The following KALRN variants were observed in gnomAD, a reference collection of about 807,000 sequenced individuals.
KALRN encodes kalirin.
KALRN carries 70 observed loss-of-function variants against 353.7 expected under a neutral mutation model. The ratio of observed to expected loss-of-function variants is 0.20; its 90% confidence interval spans 0.16 to 0.24. KALRN has a LOEUF of 0.24. Ranked by LOEUF, KALRN falls within the 10% of genes least tolerant of loss-of-function variation. The pLI, the probability that KALRN is intolerant of heterozygous loss-of-function variation, is 1.00. For synonymous variants in KALRN, 1,391 were observed against 1,434.8 expected (o/e 0.97, Z 0.69); for missense variants, 2,791 against 3,756.7 (o/e 0.74, Z 6.72).
intron 9 of KALRN, among the ~76,000 whole-genome samples, chr3:124,339,793 A>C (rs1427125516): frequency 6.6e-6 from 1 of 152,226 alleles, no homozygotes; most frequent in African/African-American, 2.4e-5. Flanking sequence ...GAATTAAGAG[A>C]GGATAATTCT....
Position 124,562,992 on chromosome 3 carries a change from G to A in KALRN, c.5085G>A (p.Arg1695=), listed in dbSNP as rs369353718. The change falls in exon 34 of 60, where the codon CGG becomes CGA. Residue 1695 remains arginine, a synonymous_variant. Transcript: ENST00000682506. The stretch of plus-strand genomic sequence containing the variant: ...GGTGTCTGGTCCGTACCACCGAACG[G>A]AGCCCGCCCTTGGAGGGTCTGGTCC... ...PGWCLVRTTE[R]SPPLEGLVPS... 2.9e-6 allele frequency: 4 copies of A among 1,367,806 alleles called. No homozygotes were observed. In the African/African-American group the frequency reaches 4.4e-5, roughly 15 times the overall value. 84.7% of individuals were successfully genotyped at this position (1,367,806 alleles called of 1,614,324 possible). A position where few individuals can be genotyped will look rare whatever the true frequency, so the allele number is the denominator to read the frequency against.
intron 6 of KALRN, among the ~76,000 whole-genome samples, chr3:124,306,479 C>G (rs907641464): frequency 1.3e-5 from 2 of 151,960 alleles, no homozygotes; most frequent in East Asian, 3.9e-4. Flanking sequence ...ATGTACAGAG[C>G]TTCAGGAAAA....
At chr3:124,552,319 T>A (rs1371011958) in intron 33 of KALRN, among the ~76,000 whole-genome samples, 1 of 152,190 alleles carries the variant, frequency 6.6e-6, no homozygotes, top group Admixed American at 6.5e-5. Flanking sequence ...GCATGTGCCC[T>A]CTTCCCATCT....
intron 1 of KALRN, among the ~76,000 whole-genome samples, chr3:124,146,619 TG>T (rs2067366203): frequency 6.6e-6 from 1 of 152,050 alleles, no homozygotes; most frequent in South Asian, 2.1e-4. Flanking sequence ...GTCTCACGCC[TG>T]TAATCCCAGC....
intron 5 of KALRN, among the ~76,000 whole-genome samples, chr3:124,287,768 AAGATATATATAT>A (rs2076043762): frequency 1.4e-5 from 1 of 71,452 alleles, no homozygotes; most frequent in East Asian, 4.0e-4. Context: ...AGGGCCTAGG[AAGATATATATAT>A]ATATATATAT....
intron 47 of KALRN, 40 bp from the exon 48 acceptor site, chr3:124,671,620 T>A: frequency 6.9e-7 from 1 of 1,457,252 alleles, no homozygotes; most frequent in Non-Finnish European, 9.6e-7. Flanking sequence ...CCTTGTGGGA[T>A]TCCCAAAGCT....
intron 3 of KALRN, among the ~76,000 whole-genome samples, chr3:124,257,404 G>A (rs766315714): frequency 6.6e-6 from 1 of 152,200 alleles, no homozygotes; most frequent in Non-Finnish European, 1.5e-5. Context: ...GATAAAGAAA[G>A]TCACTAAAGT....
At position 124,637,819 on chromosome 3, in the gene KALRN, C is replaced by T. The variant is rs185324649; in HGVS notation, c.5664+516C>T. Among the ~76,000 whole-genome samples the T allele has an allele frequency of 1.7e-3, 254 of 152,282 alleles. 1 individual carries two copies. The highest frequency in any genetic ancestry group is 5.8e-3 in the African/African-American group (242 of 41,564). ...CCACAATAAATTAAGAGAGTCAGTG[C>T]CTAGCCCTACAATGGGGGGAAAAAC... On this transcript the variant is annotated intron_variant, in intron 37 of 59. Transcript: ENST00000682506.
At chr3:124,579,325 C>G (rs1404916691) in intron 34 of KALRN, among the ~76,000 whole-genome samples, 1 of 152,166 alleles carries the variant, frequency 6.6e-6, no homozygotes, top group East Asian at 1.9e-4. Context: ...ATAAAGTGGT[C>G]ACGTAGGTAG....
intron 1 of KALRN, among the ~76,000 whole-genome samples, chr3:124,124,684 A>G (rs2064423341): frequency 6.6e-6 from 1 of 152,230 alleles, no homozygotes; most frequent in South Asian, 2.1e-4. Flanking sequence ...ACCTTCAGCA[A>G]CCACTATCCT....
intron 1 of KALRN, among the ~76,000 whole-genome samples, chr3:124,090,096 C>G (rs2061028678): frequency 6.6e-6 from 1 of 152,060 alleles, no homozygotes; most frequent in South Asian, 2.1e-4. Flanking sequence ...AGGGGACTGG[C>G]TCTTGTGTGG....
chr3:124,708,704 GA>G (rs1347157737), intron 57 of KALRN, among the ~76,000 whole-genome samples: 1 of 152,012 alleles, frequency 6.6e-6, no homozygotes, highest in Non-Finnish European at 1.5e-5. Flanking sequence ...GATTGGTGCA[GA>G]AAAAATTTTT....
intron 34 of KALRN, among the ~76,000 whole-genome samples, chr3:124,591,392 C>T (rs1320043590): frequency 6.6e-6 from 1 of 152,200 alleles, no homozygotes; most frequent in Non-Finnish European, 1.5e-5. Flanking sequence ...CTCATCTCTA[C>T]CTCCCAAAGT....
At chr3:124,536,108 C>T (rs541632464) in intron 33 of KALRN, among the ~76,000 whole-genome samples, 1 of 152,250 alleles carries the variant, frequency 6.6e-6, no homozygotes, top group African/African-American at 2.4e-5. Flanking sequence ...ATGTGTCTCC[C>T]CCAGCCACCC....
At chr3:124,376,235 C>T (rs895914878) in intron 10 of KALRN, among the ~76,000 whole-genome samples, 3 of 152,186 alleles carry the variant, frequency 2.0e-5, no homozygotes, top group Admixed American at 2.0e-4. Flanking sequence ...CAATTAGTAA[C>T]TGAAGATTTA....
chr3:124,464,835 C>T, intron 25 of KALRN, among the ~76,000 whole-genome samples: 1 of 67,802 alleles, frequency 1.5e-5, no homozygotes, highest in East Asian at 3.8e-4. Flanking sequence ...AGACAAACTG[C>T]AAAAACAGTA....
In KALRN at chr3:124,496,332, C is replaced by T. The variant is rs756857913; in HGVS notation, c.4854C>T (p.Asp1618=). 6.2e-7 allele frequency: 1 copy of T among 1,609,572 alleles called. No homozygotes were observed. ...NSKRDGVEDI[D]SQGDGSSQPD... ...GCAGGGATGGAGTGGAGGATATTGA[C>T]AGCCAGGGGGATGGGAGCAGCCAAC... The change falls in exon 33 of 60, where the codon GAC becomes GAT. Residue 1618 remains aspartate, a synonymous_variant. Coordinates refer to ENST00000682506, the MANE Select transcript of KALRN (RefSeq NM_001388419.1).
chr3:124,054,105 G>A (rs1208314351), intron 1 of KALRN, among the ~76,000 whole-genome samples: 1 of 152,206 alleles, frequency 6.6e-6, no homozygotes, highest in Non-Finnish European at 1.5e-5. Context: ...CTTTGTGACT[G>A]TTTCTAGGCA....
rs370996133 is a variant in KALRN at position 124,697,704 on chromosome 3, C to T, written c.7811C>T (p.Thr2604Ile). ...STGNCTISGYTVEYREEGSQI... is the reference protein window; with the variant it reads ...STGNCTISGYIVEYREEGSQI... ...GGAAACTGCACTATTTCTGGTTACACTGTGGAGTACAGAGAGGAAGGTGCA... is the reference window on the plus strand; with the variant it reads ...GGAAACTGCACTATTTCTGGTTACATTGTGGAGTACAGAGAGGAAGGTGCA... Residue 2604 changes from threonine to isoleucine, a missense_variant, in exon 55 of 60, where the codon ACT becomes ATT. Physicochemically the swap from Thr to Ile is moderately conservative, Grantham distance 89. Coordinates refer to ENST00000682506, the MANE Select transcript of KALRN (RefSeq NM_001388419.1). 1.9e-6 allele frequency: 3 copies of T among 1,589,678 alleles called. No individual in the cohort carries two copies. The highest frequency in any genetic ancestry group is 2.7e-5 in the African/African-American group (2 of 74,126).
Sources: gnomAD v4.1 joint callset for allele counts (sites outside exome capture counted in the v4.1 genomes callset) on GRCh38, gnomAD v4.1.1 for gene constraint, MANE v1.5 for transcripts, NCBI Gene and HGNC (gene_info 2026-07-23, HGNC 2026-07-21) for gene names.